Variants in SLC35F1 observed in about 807,000 individuals in gnomAD.
The protein encoded by SLC35F1 is chromosome 6 open reading frame 169.
In SLC35F1, 14 loss-of-function variants were observed where a neutral mutation model predicts 48.7. The ratio of observed to expected loss-of-function variants is 0.29; its 90% CI spans 0.19 to 0.45. The LOEUF (loss-of-function observed/expected upper bound fraction) is 0.45, where lower values mean the gene tolerates loss of function less well. Ranked by LOEUF, SLC35F1 falls within the 20% of genes least tolerant of loss-of-function variation. The probability of loss-of-function intolerance (pLI) is 1.00; values close to 1 mark genes in which losing one functional copy is unlikely to be tolerated. For missense variants in SLC35F1, 404 were observed against 500.0 expected, an observed-to-expected ratio of 0.81 and a Z score of 1.83; for synonymous variants, 190 against 202.2, an observed-to-expected ratio of 0.94 and a Z score of 0.51.
intron 1 of SLC35F1, among the ~76,000 whole-genome samples, chr6:118,065,054 T>A (rs1772593561): frequency 6.6e-6 from 1 of 152,142 alleles, no homozygotes; most frequent in Non-Finnish European, 1.5e-5. Flanking sequence ...TGGAGAAGAA[T>A]CCTAAATTAT....
chr6:118,092,413 G>A (rs1741885159), intron 1 of SLC35F1, among the ~76,000 whole-genome samples: 1 of 152,262 alleles, frequency 6.6e-6, no homozygotes, highest in African/African-American at 2.4e-5. Flanking sequence ...CCAGACAGAA[G>A]TTTGGTGCAT....
intron 1 of SLC35F1, among the ~76,000 whole-genome samples, chr6:117,964,092 G>A (rs936342352): frequency 2.6e-5 from 4 of 152,158 alleles, no homozygotes; most frequent in Admixed American, 2.0e-4. Flanking sequence ...TTCTGTTCTT[G>A]TGTTAGTTTG....
intron 1 of SLC35F1, among the ~76,000 whole-genome samples, chr6:117,948,325 C>T (rs1297416458): frequency 6.6e-6 from 1 of 152,220 alleles, no homozygotes; most frequent in Admixed American, 6.5e-5. Context: ...TTTAAGCTAC[C>T]ATATCTTGAT....
rs898812609 is a variant in SLC35F1 at position 117,991,940 on chromosome 6, A to T, written c.173+84041A>T. On this transcript the variant is annotated intron_variant, in intron 1 of 7. Transcript: ENST00000360388. ...CAAAATTTTTATAAGCTCTATCTCT[A>T]TATTAAGGATATCAAATAATTTATT... Among the ~76,000 whole-genome samples the T allele has an allele frequency of 2.0e-5, 3 of 152,084 alleles. No individual in the cohort carries two copies. The South Asian group carries it at 6.2e-4, about 32-fold the overall frequency.
At chr6:118,150,117 A>G (rs1774033773) in intron 1 of SLC35F1, among the ~76,000 whole-genome samples, 1 of 152,188 alleles carries the variant, frequency 6.6e-6, no homozygotes, top group Admixed American at 6.5e-5. Context: ...TCTAAGCATC[A>G]GTTAACTTAT....
intron 1 of SLC35F1, among the ~76,000 whole-genome samples, chr6:117,912,923 A>G (rs776477334): frequency 2.6e-5 from 4 of 152,190 alleles, no homozygotes; most frequent in Non-Finnish European, 5.9e-5. Flanking sequence ...AAAATCCTTC[A>G]GTGTCTTAGG....
intron 1 of SLC35F1, among the ~76,000 whole-genome samples, chr6:118,039,495 A>T (rs562136889): frequency 1.3e-5 from 2 of 151,868 alleles, no homozygotes; most frequent in South Asian, 4.1e-4. Flanking sequence ...TAGGTCATTT[A>T]TATTGTTTCA....
intron 3 of SLC35F1, among the ~76,000 whole-genome samples, chr6:118,236,398 G>A (rs1775366049): frequency 6.6e-6 from 1 of 151,992 alleles, no homozygotes; most frequent in Non-Finnish European, 1.5e-5. Context: ...CCATACCATT[G>A]CAAAGCTCTA....
At chr6:118,000,998 C>G (rs1777085006) in intron 1 of SLC35F1, among the ~76,000 whole-genome samples, 1 of 151,924 alleles carries the variant, frequency 6.6e-6, no homozygotes, top group Non-Finnish European at 1.5e-5. Flanking sequence ...TAGGAAGAAT[C>G]AATATTGTGA....
At chr6:118,143,279 T>C (rs1454334127) in intron 1 of SLC35F1, among the ~76,000 whole-genome samples, 1 of 152,166 alleles carries the variant, frequency 6.6e-6, no homozygotes, top group East Asian at 1.9e-4. Context: ...TTCACTAACA[T>C]AATTCAAAAT....
At chr6:118,033,521 A>C (rs1562269609) in intron 1 of SLC35F1, among the ~76,000 whole-genome samples, 1 of 152,192 alleles carries the variant, frequency 6.6e-6, no homozygotes, top group Admixed American at 6.5e-5. Context: ...GAAGAAACTT[A>C]AATTTGAGAG....
At position 118,035,625 on chromosome 6, in the gene SLC35F1, AAC is replaced by A. The variant is rs1357757728; in HGVS notation, c.174-118818_174-118817del. Among the ~76,000 whole-genome samples, 714 of 72,306 alleles carry A rather than the reference AAC, an allele frequency of 9.9e-3. 2 individuals are homozygous for A. The highest frequency in any genetic ancestry group is 0.025 in the African/African-American group (636 of 25,412). The allele number at this position is 72,306 out of a possible 152,430, so 47.4% of individuals were successfully genotyped here. On this transcript the variant is annotated intron_variant, in intron 1 of 7. Coordinates refer to ENST00000360388, the MANE Select transcript of SLC35F1 (RefSeq NM_001029858.4). ...GTGAAACTCCGTCTCACAAAAAAAA[AAC>A]AACAACAACAAAACAAAACAAAACC...
intron 1 of SLC35F1, among the ~76,000 whole-genome samples, chr6:117,931,818 T>TGCTA (rs1417327821): frequency 6.6e-6 from 1 of 152,202 alleles, no homozygotes; most frequent in Non-Finnish European, 1.5e-5. Flanking sequence ...GCTTAATTAT[T>TGCTA]GCTAGTGGTT....
intron 1 of SLC35F1, among the ~76,000 whole-genome samples, chr6:117,957,960 A>G (rs1449436331): frequency 6.6e-6 from 1 of 152,154 alleles, no homozygotes; most frequent in East Asian, 1.9e-4. Flanking sequence ...GTCCTTCAGG[A>G]GGTGTTCCGA....
intron 1 of SLC35F1, among the ~76,000 whole-genome samples, chr6:117,960,451 G>A (rs1260228362): frequency 6.6e-6 from 1 of 151,716 alleles, no homozygotes; most frequent in African/African-American, 2.4e-5. Context: ...TCATTGATTT[G>A]GTTTCTCTAA....
chr6:118,292,025 G>C (rs1267773190), intron 7 of SLC35F1, among the ~76,000 whole-genome samples: 1 of 152,184 alleles, frequency 6.6e-6, no homozygotes, highest in Non-Finnish European at 1.5e-5. Flanking sequence ...GGCTGAGACA[G>C]GAGAATTGCT....
intron 1 of SLC35F1, among the ~76,000 whole-genome samples, chr6:118,113,326 A>G (rs1295166503): frequency 6.6e-6 from 1 of 152,114 alleles, no homozygotes; most frequent in Non-Finnish European, 1.5e-5. Flanking sequence ...ACCTTAAGTG[A>G]TCCTCTTGAC....
intron 4 of SLC35F1, among the ~76,000 whole-genome samples, chr6:118,269,490 C>T (rs890923208): frequency 6.6e-6 from 1 of 152,078 alleles, no homozygotes; most frequent in Non-Finnish European, 1.5e-5. Context: ...ATTGGACATG[C>T]TCTGCCTCTA....
At position 117,907,617 on chromosome 6, in the gene SLC35F1, C is replaced by G. The variant is rs567121242; in HGVS notation, c.-110C>G. 2 of 575,464 alleles carry G rather than the reference C, an allele frequency of 3.5e-6. No individual in the cohort carries two copies. The highest frequency in any genetic ancestry group is 7.5e-5 in the South Asian group (2 of 26,738). The allele number at this position is 575,464 out of a possible 1,614,324, so 35.6% of individuals were successfully genotyped here. ...CACCGCTTCGCAGGCAGCACCGCCT[C>G]CCGGGCCGCGGCCGCCCGGCCGGGT... On this transcript the variant is annotated 5_prime_UTR_variant, in exon 1 of 8. Coordinates refer to ENST00000360388, the MANE Select transcript of SLC35F1 (RefSeq NM_001029858.4).
Sources: gnomAD v4.1 joint callset for allele counts (sites outside exome capture counted in the v4.1 genomes callset) on GRCh38, gnomAD v4.1.1 for gene constraint, MANE v1.5 for transcripts, NCBI Gene and HGNC (gene_info 2026-07-23, HGNC 2026-07-21) for gene names.